Variants in SLC25A21 observed in about 807,000 individuals in gnomAD.
The protein encoded by SLC25A21 is solute carrier family 25 member 21, also known as mitochondrial 2-oxodicarboxylate carrier.
SLC25A21 carries 47 observed loss-of-function variants against 43.8 expected under a neutral mutation model. The observed-to-expected ratio is 1.07, with a 90% CI of 0.85 to 1.37. The LOEUF is 1.37. Among genes scored for constraint, SLC25A21 ranks in the 40% most tolerant of loss-of-function variants. The probability of loss-of-function intolerance (pLI) is 0.00; values close to 1 mark genes in which losing one functional copy is unlikely to be tolerated. For synonymous variants in SLC25A21, 131 were observed against 121.3 expected (o/e 1.08, Z -0.52); for missense variants, 352 against 350.2 (o/e 1.00, Z -0.04).
Position 36,967,328 on chromosome 14 carries a change from G to A in SLC25A21, c.71-92324C>T, listed in dbSNP as rs151046319. ...CTGATGTCCCCTATTTATATGATAA[G>A]CCTCAGGAGGCCAGGGATCTTGCCT... is the stretch of plus-strand genomic sequence containing the variant. On this transcript the variant is annotated intron_variant, in intron 1 of 9. Transcript: ENST00000331299. Among the ~76,000 whole-genome samples the A allele has an allele frequency of 1.4e-4, 22 of 152,210 alleles. 1 individual carries two copies. In the East Asian group the frequency reaches 3.9e-3, roughly 27 times the overall value.
At chr14:36,930,366 C>T (rs1021006710) in intron 1 of SLC25A21, among the ~76,000 whole-genome samples, 3 of 152,218 alleles carry the variant, frequency 2.0e-5, no homozygotes, top group East Asian at 1.9e-4. Flanking sequence ...AATTAATGTT[C>T]GGTATTCCAC....
At chr14:36,888,214 T>C (rs1233640858) in intron 1 of SLC25A21, among the ~76,000 whole-genome samples, 1 of 152,104 alleles carries the variant, frequency 6.6e-6, no homozygotes, top group Non-Finnish European at 1.5e-5. Context: ...ATATGGAGGG[T>C]CATTTTTAAA....
At chr14:36,951,991 T>G (rs2022722) in intron 1 of SLC25A21, among the ~76,000 whole-genome samples, 2 of 151,916 alleles carry the variant, frequency 1.3e-5, no homozygotes, top group Non-Finnish European at 2.9e-5. Flanking sequence ...TCCCAGCACT[T>G]TGGGAGGCCA....
intron 1 of SLC25A21, among the ~76,000 whole-genome samples, chr14:36,931,576 G>C (rs1046307122): frequency 2.0e-5 from 3 of 152,168 alleles, no homozygotes; most frequent in African/African-American, 7.2e-5. Flanking sequence ...ATATTTTCTT[G>C]TGTAGACAAT....
intron 1 of SLC25A21, among the ~76,000 whole-genome samples, chr14:37,085,863 T>C (rs1490992918): frequency 6.6e-6 from 1 of 152,168 alleles, no homozygotes; most frequent in East Asian, 1.9e-4. Context: ...CCCAGCACTT[T>C]GGCAGGCCGA....
intron 1 of SLC25A21, among the ~76,000 whole-genome samples, chr14:36,907,191 G>C (rs1320903161): frequency 6.6e-6 from 1 of 152,014 alleles, no homozygotes; most frequent in Non-Finnish European, 1.5e-5. Flanking sequence ...TCATGTACTT[G>C]GAGGAACAAT....
chr14:36,947,206 T>C (rs1405863208), intron 1 of SLC25A21, among the ~76,000 whole-genome samples: 2 of 152,210 alleles, frequency 1.3e-5, no homozygotes, highest in Non-Finnish European at 2.9e-5. Flanking sequence ...AAACAGGCAT[T>C]CTTAAGTCAC....
At chr14:37,121,801 A>C (rs1277080336) in intron 1 of SLC25A21, among the ~76,000 whole-genome samples, 1 of 152,054 alleles carries the variant, frequency 6.6e-6, no homozygotes, top group African/African-American at 2.4e-5. Context: ...AAAGAACCAA[A>C]AAAAAACAAA....
intron 5 of SLC25A21, among the ~76,000 whole-genome samples, chr14:36,726,479 G>GAA (rs1285146336): frequency 6.6e-6 from 1 of 151,744 alleles, no homozygotes; most frequent in Non-Finnish European, 1.5e-5. Context: ...AAGAAGAAAA[G>GAA]AAAGACAAAG....
At chr14:37,032,547 C>A (rs530489139) in intron 1 of SLC25A21, among the ~76,000 whole-genome samples, 19 of 150,308 alleles carry the variant, frequency 1.3e-4, no homozygotes, top group East Asian at 5.9e-4. Context: ...ACAACAACAA[C>A]AAAAAAATGA....
In SLC25A21 at chr14:36,679,741, A is replaced by G; in HGVS notation, c.*917T>C. The G allele has an allele frequency of 1.0e-6, 1 of 985,450 alleles. No individual in the cohort carries two copies. Among genetic ancestry groups the G allele is most frequent in the Non-Finnish European group, 1.2e-6 (1 of 829,916 alleles). 61.0% of individuals were successfully genotyped at this position (985,450 alleles called of 1,614,324 possible). A position where few individuals can be genotyped will look rare whatever the true frequency, so the allele number is the denominator to read the frequency against. ...TATACATTCTTCCTAAAAATGGCAC[A>G]GGTAGGCATGCTGAATAAAGGTATT... On this transcript the variant is annotated 3_prime_UTR_variant, in exon 10 of 10. Coordinates refer to ENST00000331299, the MANE Select transcript of SLC25A21 (RefSeq NM_030631.4).
chr14:37,024,404 A>C (rs1961050135), intron 1 of SLC25A21, among the ~76,000 whole-genome samples: 1 of 151,926 alleles, frequency 6.6e-6, no homozygotes, highest in Admixed American at 6.6e-5. Flanking sequence ...CCCTGATTGG[A>C]CCCACATTTT....
At chr14:37,132,676 C>T (rs1945143246) in intron 1 of SLC25A21, among the ~76,000 whole-genome samples, 1 of 152,016 alleles carries the variant, frequency 6.6e-6, no homozygotes, top group African/African-American at 2.4e-5. Flanking sequence ...TTTTCTCTGG[C>T]ATTTTTCAGG....
At chr14:36,998,907 G>A (rs538240978) in intron 1 of SLC25A21, among the ~76,000 whole-genome samples, 2 of 152,176 alleles carry the variant, frequency 1.3e-5, no homozygotes, top group Admixed American at 6.5e-5. Flanking sequence ...AATGCCAAAC[G>A]CTGGAGAGGA....
chr14:37,056,126 G>A (rs926089185), intron 1 of SLC25A21, among the ~76,000 whole-genome samples: 1 of 152,100 alleles, frequency 6.6e-6, no homozygotes, highest in Non-Finnish European at 1.5e-5. Flanking sequence ...TGCCATGATT[G>A]TAAGTTTCCT....
chr14:37,110,656 C>A (rs1207273214), intron 1 of SLC25A21, among the ~76,000 whole-genome samples: 2 of 152,132 alleles, frequency 1.3e-5, no homozygotes, highest in African/African-American at 4.8e-5. Context: ...CCTAGACAAC[C>A]TCCCCAGCAC....
At chr14:36,994,557 G>T (rs1339242488) in intron 1 of SLC25A21, among the ~76,000 whole-genome samples, 1 of 152,098 alleles carries the variant, frequency 6.6e-6, no homozygotes, top group Non-Finnish European at 1.5e-5. Context: ...GCAGCTTTAC[G>T]CACTCTAAAA....
chr14:36,844,080 T>C (rs563015821), intron 2 of SLC25A21, among the ~76,000 whole-genome samples: 13 of 152,288 alleles, frequency 8.5e-5, no homozygotes, highest in African/African-American at 3.1e-4. Flanking sequence ...TGTGTCACAT[T>C]AGGAGGCACG....
In SLC25A21 at chr14:37,036,434, G is replaced by C. The variant is rs1961328808; in HGVS notation, c.70+135847C>G. ...CACACAGTAAAACTTAGCGCAACAT[G>C]TTACATTTTCTGAGTTAAAAAAAAA... On this transcript the variant is annotated intron_variant, in intron 1 of 9. Transcript: ENST00000331299. Among the ~76,000 whole-genome samples the C allele has an allele frequency of 3.9e-5, 6 of 152,004 alleles. No homozygotes were observed. The South Asian group carries it at 1.2e-3, about 32-fold the overall frequency.
Sources: allele counts gnomAD v4.1 joint callset (sites outside exome capture counted in the v4.1 genomes callset), GRCh38; gene constraint gnomAD v4.1.1; transcripts MANE v1.5; gene names NCBI Gene and HGNC (gene_info 2026-07-23, HGNC 2026-07-21).